Variants in TAF4B observed in about 807,000 individuals in gnomAD.
The protein encoded by TAF4B is transcription initiation factor TFIID subunit 4B.
Under a neutral mutation model 86.4 loss-of-function variants are expected in TAF4B, and 38 were observed. The observed-to-expected ratio is 0.44, with a 90% CI of 0.34 to 0.58. TAF4B has a LOEUF of 0.58. TAF4B is among the 20% of genes least tolerant of loss of function. The pLI, the probability that TAF4B is intolerant of heterozygous loss-of-function variation, is 0.02. For synonymous variants in TAF4B, 388 were observed against 391.2 expected, an observed-to-expected ratio of 0.99 and a Z score of 0.10; for missense variants, 988 against 1,027.6, an observed-to-expected ratio of 0.96 and a Z score of 0.53.
chr18:26,341,073 C>T (rs1439308516), intron 13 of TAF4B, among the ~76,000 whole-genome samples: 2 of 151,288 alleles, frequency 1.3e-5, no homozygotes, highest in African/African-American at 4.8e-5. Flanking sequence ...AGACTTATTA[C>T]TCTCTTAGTA....
At chr18:26,344,647 C>T (rs1157916133) in intron 13 of TAF4B, among the ~76,000 whole-genome samples, 2 of 152,284 alleles carry the variant, frequency 1.3e-5, no homozygotes, top group East Asian at 3.9e-4. Flanking sequence ...ACATAATAGG[C>T]TATTCTGCTT....
intron 10 of TAF4B, among the ~76,000 whole-genome samples, chr18:26,317,122 C>T (rs1263991105): frequency 2.6e-5 from 4 of 151,372 alleles, no homozygotes; most frequent in Admixed American, 1.3e-4. Flanking sequence ...CTCCGCCTCC[C>T]GGGTTCAAGC....
At chr18:26,287,001 G>A (rs1045764970) in intron 7 of TAF4B, among the ~76,000 whole-genome samples, 3 of 152,184 alleles carry the variant, frequency 2.0e-5, no homozygotes, top group Admixed American at 6.5e-5. Context: ...AAACACACAC[G>A]TAAGTCTTTA....
chr18:26,254,646 A>G (rs1263773119), intron 1 of TAF4B, among the ~76,000 whole-genome samples: 2 of 152,236 alleles, frequency 1.3e-5, no homozygotes, highest in East Asian at 3.8e-4. Flanking sequence ...AGATAGCTTA[A>G]CATTTTTAAT....
At chr18:26,257,842 CGTGTGTGTGTGTGT>C (rs57275139) in intron 1 of TAF4B, among the ~76,000 whole-genome samples, 6,327 of 141,480 alleles carry the variant, frequency 0.045, 159 homozygotes, top group Non-Finnish European at 0.056. Context: ...CCTCTGCGTG[CGTGTGTGTGTGTGT>C]GTGTGTGTGT....
intron 9 of TAF4B, among the ~76,000 whole-genome samples, chr18:26,305,965 A>G (rs1002923870): frequency 2.0e-5 from 3 of 152,138 alleles, no homozygotes; most frequent in Non-Finnish European, 2.9e-5. Context: ...CCATGGTTAT[A>G]TTTGTTAGAA....
rs138085892 is a variant in TAF4B at position 26,244,056 on chromosome 18, A to G, written c.343+16780A>G. Among the ~76,000 whole-genome samples the G allele has an allele frequency of 2.7e-3, 409 of 152,138 alleles. 5 individuals carry two copies. Among genetic ancestry groups the G allele is most frequent in the Non-Finnish European group, 2.4e-3 (163 of 67,922 alleles). On this transcript the variant is annotated intron_variant, in intron 1 of 14. Transcript: ENST00000269142. ...AGGGACCCACTTGAGGAGGCAGTCT[A>G]TCCAATCTCAAACTCCGTGCTGGGA...
intron 10 of TAF4B, among the ~76,000 whole-genome samples, chr18:26,315,626 A>G (rs1246771403): frequency 6.6e-6 from 1 of 152,150 alleles, no homozygotes; most frequent in African/African-American, 2.4e-5. Flanking sequence ...TTCTTAATGG[A>G]GGAATAGTGG....
chr18:26,319,371 C>T (rs7407230), intron 10 of TAF4B, among the ~76,000 whole-genome samples: 11,728 of 150,530 alleles, frequency 0.078, 556 homozygotes, highest in Non-Finnish European at 0.1. Context: ...TGGCGCTTGC[C>T]TATAAGTAAT....
chr18:26,322,993 T>A (rs2056975150), intron 11 of TAF4B, among the ~76,000 whole-genome samples: 1 of 152,214 alleles, frequency 6.6e-6, no homozygotes, highest in Admixed American at 6.5e-5. Flanking sequence ...TTTGATTCTT[T>A]GTGACTGTAG....
At position 26,293,488 on chromosome 18, in the gene TAF4B, A is replaced by G; in HGVS notation, c.1789A>G (p.Thr597Ala). 6.3e-7 allele frequency: 1 copy of G among 1,592,342 alleles called. No homozygotes were observed. The highest frequency in any genetic ancestry group is 1.9e-5 in the Admixed American group (1 of 53,328). The stretch of plus-strand genomic sequence containing the variant: ...AATTCTGTCACTTCAAGCATCTCCT[A>G]CTCAGAAAAATAGAATAAAAGAGAA... ...NKILSLQASP[T>A]QKNRIKENVT... The change falls in exon 9 of 15, where the codon ACT (threonine) becomes GCT (alanine). Residue 597 changes from threonine (T) to alanine (A), a missense_variant. By Grantham distance (58) the Thr-to-Ala change is moderately conservative (BLOSUM62 0). This residue lies in a region of TAF4B where 747 missense variants were observed against 737.9 expected (regional missense o/e 1.01). Transcript: ENST00000269142.
At chr18:26,242,352 C>T (rs1254466212) in intron 1 of TAF4B, among the ~76,000 whole-genome samples, 1 of 152,138 alleles carries the variant, frequency 6.6e-6, no homozygotes, top group East Asian at 1.9e-4. Flanking sequence ...GCCTCCTTTT[C>T]TCTTTTGATC....
At chr18:26,333,796 A>T (rs561237440) in intron 12 of TAF4B, among the ~76,000 whole-genome samples, 144 of 152,150 alleles carry the variant, frequency 9.5e-4, no homozygotes, top group African/African-American at 3.3e-3. Context: ...TTTTTATAAA[A>T]TTTTTTATTT....
intron 14 of TAF4B, among the ~76,000 whole-genome samples, chr18:26,363,166 C>T (rs72881855): frequency 0.042 from 6,350 of 152,026 alleles, 185 homozygotes; most frequent in Non-Finnish European, 0.059. Flanking sequence ...TTTCTTTAAT[C>T]AGCTGGTGAC....
At chr18:26,271,559 T>C (rs1032021933) in intron 3 of TAF4B, among the ~76,000 whole-genome samples, 1 of 152,226 alleles carries the variant, frequency 6.6e-6, no homozygotes, top group Non-Finnish European at 1.5e-5. Flanking sequence ...AGTCAGTCAG[T>C]GCAGCCTTGA....
At chr18:26,347,439 T>A (rs889453629) in intron 13 of TAF4B, among the ~76,000 whole-genome samples, 1 of 150,904 alleles carries the variant, frequency 6.6e-6, no homozygotes. Flanking sequence ...AAAAGAGAAA[T>A]AGAAAGGAAT....
rs746584781 is a variant in TAF4B, at chr18:26,335,160, C to A, written c.2260-15C>A. 3 of 1,601,318 alleles carry A rather than the reference C, an allele frequency of 1.9e-6. No individual in the cohort carries two copies. The highest frequency in any genetic ancestry group is 4.5e-5 in the East Asian group (2 of 44,760). On this transcript the variant is annotated splice_polypyrimidine_tract_variant and intron_variant, in intron 12 of 14. Coordinates refer to ENST00000269142, the MANE Select transcript of TAF4B (RefSeq NM_005640.3). ...TGCTAGTAATTTCTATTAAAATTTTCTTTTCCTTTGATAGAGTCGTTCTAA... is the reference window on the plus strand; with the variant it reads ...TGCTAGTAATTTCTATTAAAATTTTATTTTCCTTTGATAGAGTCGTTCTAA...
chr18:26,363,756 T>G (rs1438761941), intron 14 of TAF4B, among the ~76,000 whole-genome samples: 1 of 152,224 alleles, frequency 6.6e-6, no homozygotes, highest in African/African-American at 2.4e-5. Flanking sequence ...TACTTTTTGT[T>G]TGCTTCTTTA....
rs765037405 is a variant in TAF4B at position 26,315,429 on chromosome 18, T to G, written c.2002+31T>G. ...TGTAGAGTTATGATTATTGACCTGA[T>G]AGAGATGTCTGTTTGAGGGAAAATA... On this transcript the variant is annotated intron_variant, in intron 10 of 14. Coordinates refer to ENST00000269142, the MANE Select transcript of TAF4B (RefSeq NM_005640.3). 3.7e-5 allele frequency: 56 copies of G among 1,504,352 alleles called. No homozygotes were observed. In the Admixed American group the frequency reaches 1.1e-3, roughly 28 times the overall value. 93.2% of individuals were successfully genotyped at this position (1,504,352 alleles called of 1,614,324 possible). A position where few individuals can be genotyped will look rare whatever the true frequency, so the allele number is the denominator to read the frequency against.
Sources: gnomAD v4.1 joint callset for allele counts (sites outside exome capture counted in the v4.1 genomes callset) on GRCh38, gnomAD v4.1.1 for gene constraint, gnomAD v4.1.1 regional missense constraint, MANE v1.5 for transcripts, NCBI Gene and HGNC (gene_info 2026-07-23, HGNC 2026-07-21) for gene names.